TRAF7: variants seen among roughly 807,000 people sequenced by gnomAD.
TRAF7 encodes TNF receptor associated factor 7.
A neutral mutation model predicts 89.3 loss-of-function variants in TRAF7; 45 were observed. The observed-to-expected ratio is 0.50, with a 90% CI of 0.40 to 0.65. TRAF7 has a LOEUF of 0.65. TRAF7 is among the 30% of genes least tolerant of loss of function. The pLI, the probability that TRAF7 is intolerant of heterozygous loss-of-function variation, is 0.00. For synonymous variants in TRAF7, 406 were observed against 369.2 expected, an observed-to-expected ratio of 1.10 and a Z score of -1.14; for missense variants, 677 against 918.1, an observed-to-expected ratio of 0.74 and a Z score of 3.39.
Position 2,168,297 on chromosome 16 carries a change from T to G in TRAF7, c.231+129T>G. The G allele has an allele frequency of 1.4e-6, 1 of 713,780 alleles. No homozygotes were observed. Among genetic ancestry groups the G allele is most frequent in the Non-Finnish European group, 2.3e-6 (1 of 439,564 alleles). 44.2% of individuals were successfully genotyped at this position (713,780 alleles called of 1,614,324 possible). On this transcript the variant is annotated intron_variant, in intron 4 of 20. Coordinates refer to ENST00000326181, the MANE Select transcript of TRAF7 (RefSeq NM_032271.3). The surrounding 1 kb of genome is among the most constrained non-coding windows in gnomAD (Gnocchi z 4.1). Reference sequence around the variant, plus strand: ...ACAGGAGAAGAAGAGCACCTGTGGATACCCTGAGGCCTCGGCAGACATGGC... The same window carrying G: ...ACAGGAGAAGAAGAGCACCTGTGGAGACCCTGAGGCCTCGGCAGACATGGC...
At position 2,163,689 on chromosome 16, in the gene TRAF7, G is replaced by A. The variant is rs958693282; in HGVS notation, c.-38-194G>A. The stretch of plus-strand genomic sequence containing the variant: ...GACGCAGAGCCGCCTGCCTGCCCGG[G>A]CCTCTGCATACCTGGGATCGGGGTG... On this transcript the variant is annotated intron_variant, in intron 1 of 20. Transcript: ENST00000326181. This position sits in a 1 kb window ranked among gnomAD's most constrained non-coding sequence, Gnocchi z 4.3. The A allele has an allele frequency of 1.6e-5, 9 of 576,504 alleles. No homozygotes were observed. The highest frequency in any genetic ancestry group is 1.2e-4 in the Admixed American group (4 of 33,286). 35.7% of individuals were successfully genotyped at this position (576,504 alleles called of 1,614,324 possible).
rs2093138979 is a variant in TRAF7 at position 2,176,824 on chromosome 16, C to T, written c.*250C>T. The T allele has an allele frequency of 9.8e-6, 6 of 610,444 alleles. No individual in the cohort carries two copies. The highest frequency in any genetic ancestry group is 2.7e-5 in the Admixed American group (1 of 36,532). The allele number at this position is 610,444 out of a possible 1,614,324, so 37.8% of individuals were successfully genotyped here. A position where few individuals can be genotyped will look rare whatever the true frequency, so the allele number is the denominator to read the frequency against. On this transcript the variant is annotated 3_prime_UTR_variant, in exon 21 of 21. Transcript: ENST00000326181. ...GCCCCGGCCCACCCTCCATCCCCAC[C>T]CTCCATCCCCACCCTAGATGGAGCG...
At chr16:2,164,161 C>CGTGTGTGTGTGT in intron 2 of TRAF7, among the ~76,000 whole-genome samples, 160 bp downstream of exon 2, 1 of 67,638 alleles carries the variant, frequency 1.5e-5, no homozygotes, top group South Asian at 4.8e-4. Flanking sequence ...TGTGTGTGTG[C>CGTGTGTGTGTGT]GCGCGCGCGC....
At position 2,173,467 on chromosome 16, in the gene TRAF7, C is replaced by T. The variant is rs201014596; in HGVS notation, c.1013-14C>T. ...CCGGGCACCAGTGACACCCCCTCTC[C>T]TCCTGCTACTCAGACGTCCTGGACG... On this transcript the variant is annotated splice_polypyrimidine_tract_variant and intron_variant, in intron 10 of 20. Coordinates refer to ENST00000326181, the MANE Select transcript of TRAF7 (RefSeq NM_032271.3). 1.9e-5 allele frequency: 31 copies of T among 1,613,064 alleles called. No homozygotes were observed. Among genetic ancestry groups the T allele is most frequent in the Middle Eastern group, 1.6e-4 (1 of 6,082 alleles).
In TRAF7 at chr16:2,177,651, C is replaced by T. The variant is rs747263513; in HGVS notation, c.*1077C>T. The T allele has an allele frequency of 8.3e-5, 20 of 239,756 alleles. No homozygotes were observed. The highest frequency in any genetic ancestry group is 1.5e-4 in the Non-Finnish European group (18 of 121,822). 14.9% of individuals were successfully genotyped at this position (239,756 alleles called of 1,614,324 possible). On this transcript the variant is annotated 3_prime_UTR_variant, in exon 21 of 21. Coordinates refer to ENST00000326181, the MANE Select transcript of TRAF7 (RefSeq NM_032271.3). ...CTGGAGAGGGGGCCAGGCACACCCT[C>T]AGAGGAGCTGCAAGCCCGTGGCCTG...
rs1053557316 is a variant in TRAF7, at chr16:2,163,179, G to T, written c.-38-704G>T. 1.3e-5 allele frequency among the ~76,000 whole-genome samples: 2 copies of T among 152,132 alleles called. No individual in the cohort carries two copies. The highest frequency in any genetic ancestry group is 2.1e-4 in the South Asian group (1 of 4,830). On this transcript the variant is annotated intron_variant, in intron 1 of 20. Transcript: ENST00000326181. The surrounding 1 kb of genome is among the most constrained non-coding windows in gnomAD (Gnocchi z 4.3). ...CTCTCTTCTGGGGAGGGTGATTCCCGCATGCCTTCTCCCTGCCCCCCCACC... is the reference window on the plus strand; with the variant it reads ...CTCTCTTCTGGGGAGGGTGATTCCCTCATGCCTTCTCCCTGCCCCCCCACC...
chr16:2,171,019 C>T (rs955962453), intron 5 of TRAF7, among the ~76,000 whole-genome samples: 4 of 152,228 alleles, frequency 2.6e-5, no homozygotes, highest in African/African-American at 4.8e-5. Flanking sequence ...AGGAGGCGGG[C>T]GAGGGCGGCC....
chr16:2,176,234 C>T (rs375292437), intron 19 of TRAF7, 31 bp from the exon 20 acceptor site: 49 of 1,600,256 alleles, frequency 3.1e-5, no homozygotes, highest in African/African-American at 2.7e-4. Flanking sequence ...AGCTGAGCTC[C>T]GGCGGGCCCT....
At position 2,170,729 on chromosome 16, in the gene TRAF7, C is replaced by T. The variant is rs201037324; in HGVS notation, c.347C>T (p.Pro116Leu). ...TFSLPEEEEE[P>L]EPLVFAEQPS... The stretch of plus-strand genomic sequence containing the variant: ...TCACTGCCCGAGGAGGAGGAGGAGC[C>T]GGTAGGTGTGGGGGACTCGGCGCAG... Residue 116 changes from proline to leucine, a missense_variant and splice_region_variant, in exon 5 of 21, where the codon CCG becomes CTG. By Grantham distance (98) the Pro-to-Leu change is moderately conservative. Coordinates refer to ENST00000326181, the MANE Select transcript of TRAF7 (RefSeq NM_032271.3). 1.1e-5 allele frequency: 17 copies of T among 1,596,932 alleles called. No individual in the cohort carries two copies. Among genetic ancestry groups the T allele is most frequent in the Admixed American group, 1.7e-5 (1 of 58,464 alleles).
chr16:2,156,083 C>T (rs1011432471), intron 1 of TRAF7, among the ~76,000 whole-genome samples: 1 of 152,160 alleles, frequency 6.6e-6, no homozygotes, highest in Non-Finnish European at 1.5e-5. Flanking sequence ...CCGTCCTGTT[C>T]TCGCGCAGTT....
chr16:2,164,168 G>GCGCGCGCGCA (rs2093070241), intron 2 of TRAF7, among the ~76,000 whole-genome samples, 167 bp downstream of exon 2: 1 of 114,816 alleles, frequency 8.7e-6, no homozygotes, highest in Non-Finnish European at 1.8e-5. Flanking sequence ...GTGCGCGCGC[G>GCGCGCGCGCA]CGCGCGCGCG....
At chr16:2,164,238 G>A (rs1265529219) in intron 2 of TRAF7, among the ~76,000 whole-genome samples, 1 of 150,892 alleles carries the variant, frequency 6.6e-6, no homozygotes, top group Non-Finnish European at 1.5e-5. Flanking sequence ...CTGGTTGCAT[G>A]GTTAAGCGTG....
intron 12 of TRAF7, 21 bp downstream of exon 12, chr16:2,173,857 G>GCGGGGGGGGCGCCCCCC: frequency 6.2e-7 from 1 of 1,607,504 alleles, no homozygotes; most frequent in Non-Finnish European, 8.5e-7. Context: ...ACCCGCCGTG[G>GCGGGGGGGGCGCCCCCC]CTCCCGCCCA....
At chr16:2,156,800 A>G (rs1596664064) in intron 1 of TRAF7, among the ~76,000 whole-genome samples, 1 of 152,114 alleles carries the variant, frequency 6.6e-6, no homozygotes, top group South Asian at 2.1e-4. Flanking sequence ...AGGCGGTCCG[A>G]TCTAGGTCCA....
chr16:2,173,706 C>G, intron 11 of TRAF7, 82 bp from the exon 12 acceptor site: 1 of 1,591,842 alleles, frequency 6.3e-7, no homozygotes, highest in African/African-American at 1.3e-5. Flanking sequence ...ACCCCTGGCC[C>G]AGGGCAGCAG....
intron 12 of TRAF7, 23 bp downstream of exon 12, chr16:2,173,859 T>TGGGGGGGCCCCCCC: frequency 6.4e-6 from 8 of 1,246,128 alleles, no homozygotes; most frequent in Non-Finnish European, 5.5e-6. Flanking sequence ...CCGCCGTGGC[T>TGGGGGGGCCCCCCC]CCCGCCCACC....
Position 2,176,268 on chromosome 16 carries a change from T to G in TRAF7, c.1882T>G (p.Trp628Gly). 6.2e-7 allele frequency: 1 copy of G among 1,601,848 alleles called. No individual in the cohort carries two copies. The highest frequency in any genetic ancestry group is 8.5e-7 in the Non-Finnish European group (1 of 1,179,478). Reference protein sequence around the residue: ...SASYDRSLRVWSMDNMICTQT... With the variant: ...SASYDRSLRVGSMDNMICTQT... ...CTCACGTCCCATGTGCCCCCAGGTC[T>G]GGAGTATGGACAACATGATCTGCAC... The change falls in exon 20 of 21, where the codon TGG becomes GGG. Residue 628 changes from tryptophan to glycine, a missense_variant. Trp to Gly is a radical substitution (Grantham distance 184). Transcript: ENST00000326181.
intron 1 of TRAF7, among the ~76,000 whole-genome samples, chr16:2,156,880 G>A (rs2093037035): frequency 6.6e-6 from 1 of 152,156 alleles, no homozygotes; most frequent in Non-Finnish European, 1.5e-5. Context: ...AGAGAGGGAG[G>A]CTAGGCCATC....
In TRAF7 at chr16:2,173,539, C is replaced by T. The variant is rs2093122370; in HGVS notation, c.1071C>T (p.Asp357=). The part of the protein sequence containing the change: ...LSEDLMEFRR[D]ASMLNDELSH... ...AGGACCTCATGGAGTTCCGGCGGGA[C>T]GCATCCATGTTAAATGTGAGCGGGC... is the stretch of plus-strand genomic sequence containing the variant. The change falls in exon 11 of 21, where the codon GAC becomes GAT. Residue 357 remains aspartate, a synonymous_variant. Transcript: ENST00000326181. 12 of 1,613,240 alleles carry T rather than the reference C, an allele frequency of 7.4e-6. No individual in the cohort carries two copies. Among genetic ancestry groups the T allele is most frequent in the Middle Eastern group, 1.7e-4 (1 of 6,060 alleles).
Sources: gnomAD v4.1 joint callset for allele counts (sites outside exome capture counted in the v4.1 genomes callset) on GRCh38, gnomAD v4.1.1 for gene constraint, Gnocchi (gnomAD v3.1) non-coding constraint, MANE v1.5 for transcripts, NCBI Gene and HGNC (gene_info 2026-07-23, HGNC 2026-07-21) for gene names.